SCAF8: variants seen among roughly 807,000 people sequenced by gnomAD.
SCAF8 encodes the protein SR-related and CTD-associated factor 8.
In SCAF8, 23 loss-of-function variants were observed where a neutral mutation model predicts 140.5. The ratio of observed to expected loss-of-function variants is 0.16; its 90% CI spans 0.12 to 0.23. The LOEUF (loss-of-function observed/expected upper bound fraction) is 0.23, where lower values mean the gene tolerates loss of function less well. Ranked by LOEUF, SCAF8 falls within the 10% of genes least tolerant of loss-of-function variation. The pLI, the probability that SCAF8 is intolerant of heterozygous loss-of-function variation, is 1.00. For missense variants in SCAF8, 1,397 were observed against 1,555.7 expected (o/e 0.90, Z 1.72); for synonymous variants, 575 against 528.9 (o/e 1.09, Z -1.20).
chr6:154,794,754 T>G (rs1777537248), intron 5 of SCAF8, among the ~76,000 whole-genome samples: 1 of 56,290 alleles, frequency 1.8e-5, no homozygotes, highest in African/African-American at 8.0e-5. Flanking sequence ...GACAGATCCT[T>G]TTGGTGGGGG....
intron 1 of SCAF8, among the ~76,000 whole-genome samples, chr6:154,748,219 A>G (rs1046042437): frequency 1.3e-5 from 2 of 152,192 alleles, no homozygotes; most frequent in African/African-American, 4.8e-5. Flanking sequence ...GGCACAAACA[A>G]CCCAGACCTA....
At chr6:154,737,370 CT>C (rs988056235) in intron 1 of SCAF8, among the ~76,000 whole-genome samples, 2 of 152,126 alleles carry the variant, frequency 1.3e-5, no homozygotes, top group African/African-American at 2.4e-5. Context: ...TATTTTGATA[CT>C]TCACCTTAAA....
At chr6:154,747,898 G>GTA (rs901919553) in intron 1 of SCAF8, among the ~76,000 whole-genome samples, 3 of 54,482 alleles carry the variant, frequency 5.5e-5, no homozygotes, top group Non-Finnish European at 9.1e-5. Flanking sequence ...TTTCATTTCT[G>GTA]TGTGTGTGTG....
At chr6:154,740,188 A>G (rs1778531737) in intron 1 of SCAF8, among the ~76,000 whole-genome samples, 1 of 152,178 alleles carries the variant, frequency 6.6e-6, no homozygotes, top group Non-Finnish European at 1.5e-5. Flanking sequence ...TTCTGCTCAT[A>G]TGAGAACCCA....
intron 6 of SCAF8, among the ~76,000 whole-genome samples, chr6:154,797,678 A>G (rs9479958): frequency 0.62 from 93,507 of 150,856 alleles, 32,327 homozygotes; most frequent in East Asian, 0.91. Flanking sequence ...ACAGGTGTGA[A>G]CCACCGTGCC....
At chr6:154,788,410 C>T (rs1469828779) in intron 4 of SCAF8, among the ~76,000 whole-genome samples, 3 of 152,094 alleles carry the variant, frequency 2.0e-5, no homozygotes, top group East Asian at 1.9e-4. Flanking sequence ...ATATCCTTGT[C>T]GTTAAGTGGC....
chr6:154,825,361 A>G (rs995670437), intron 17 of SCAF8: 20 of 151,988 alleles, frequency 1.3e-4, no homozygotes, highest in African/African-American at 4.4e-4. Context: ...CTTAAACACA[A>G]CTTACATATA....
At chr6:154,796,355 C>CCCT (rs774665105) in intron 6 of SCAF8, among the ~76,000 whole-genome samples, 1 of 86,596 alleles carries the variant, frequency 1.2e-5, no homozygotes, top group Non-Finnish European at 2.3e-5. Context: ...CAATCCTGTT[C>CCCT]TCTCTCTCTC....
rs566134855 is a variant in SCAF8 at position 154,778,721 on chromosome 6, A to G, written c.159+676A>G. 7.4e-4 allele frequency among the ~76,000 whole-genome samples: 113 copies of G among 152,020 alleles called. 1 individual carries two copies. The highest frequency in any genetic ancestry group is 2.5e-3 in the African/African-American group (102 of 41,452). On this transcript the variant is annotated intron_variant, in intron 3 of 19. Transcript: ENST00000367178. ...GGAGGTTGTAGTGAGCTGAGATCACACCACTGCACTCCAGCCTGGGGAACA... is the reference window on the plus strand; with the variant it reads ...GGAGGTTGTAGTGAGCTGAGATCACGCCACTGCACTCCAGCCTGGGGAACA...
chr6:154,801,914 C>A, intron 6 of SCAF8, 57 bp from the exon 7 acceptor site: 1 of 1,234,660 alleles, frequency 8.1e-7, no homozygotes, highest in Non-Finnish European at 1.1e-6. Flanking sequence ...TTTAGGTGGC[C>A]ACTCTTACAG....
intron 1 of SCAF8, among the ~76,000 whole-genome samples, chr6:154,734,496 G>A (rs1340109054): frequency 6.6e-6 from 1 of 152,188 alleles, no homozygotes; most frequent in East Asian, 1.9e-4. Context: ...TGGTAGGCAG[G>A]CAAAGGTTAT....
At chr6:154,741,824 T>A in intron 1 of SCAF8, 2 of 606,796 alleles carry the variant, frequency 3.3e-6, no homozygotes, top group Middle Eastern at 2.6e-4. Flanking sequence ...TTGGACAACT[T>A]CTAACTCATA....
At position 154,810,094 on chromosome 6, in the gene SCAF8, A is replaced by G. The variant is rs755256467; in HGVS notation, c.1306A>G (p.Arg436Gly). 2 of 1,614,062 alleles carry G rather than the reference A, an allele frequency of 1.2e-6. No homozygotes were observed. Among genetic ancestry groups the G allele is most frequent in the East Asian group, 4.5e-5 (2 of 44,872 alleles). The change falls in exon 12 of 20, where the codon AGA becomes GGA. Residue 436 changes from arginine to glycine, a missense_variant. Coordinates refer to ENST00000367178, the MANE Select transcript of SCAF8 (RefSeq NM_014892.5). ...KHRKRSRSRSRERKRKSSRSY... is the reference protein window; with the variant it reads ...KHRKRSRSRSGERKRKSSRSY... Reference sequence around the variant, plus strand: ...CAGAAAGCGATCACGCTCCCGCTCAAGAGAAAGAAAGAGGAAATCATCACG... The same window carrying G: ...CAGAAAGCGATCACGCTCCCGCTCAGGAGAAAGAAAGAGGAAATCATCACG...
At chr6:154,736,264 A>ATTT (rs1227990829) in intron 1 of SCAF8, among the ~76,000 whole-genome samples, 1 of 81,458 alleles carries the variant, frequency 1.2e-5, no homozygotes, top group African/African-American at 6.7e-5. Context: ...GCCATCCAAG[A>ATTT]CTTTTTTTTT....
intron 3 of SCAF8, 58 bp from the exon 4 acceptor site, chr6:154,787,803 C>T: frequency 7.0e-7 from 1 of 1,421,510 alleles, no homozygotes; most frequent in East Asian, 2.3e-5. Flanking sequence ...TGATTTTTGT[C>T]TATCAAGAAT....
At chr6:154,812,199 TA>T (rs796917892) in intron 12 of SCAF8, among the ~76,000 whole-genome samples, 1 of 125,404 alleles carries the variant, frequency 8.0e-6, no homozygotes, top group Non-Finnish European at 1.6e-5. Flanking sequence ...TTTTTTTTTT[TA>T]AATAGGTTGA....
intron 1 of SCAF8, among the ~76,000 whole-genome samples, chr6:154,762,228 G>A (rs1776427267): frequency 6.6e-6 from 1 of 152,194 alleles, no homozygotes; most frequent in African/African-American, 2.4e-5. Context: ...CAGGATCTAG[G>A]CGTTGGTTAG....
rs181290547 is a variant in SCAF8 at position 154,774,158 on chromosome 6, A to G, written c.114+86A>G. The G allele has an allele frequency of 3.8e-4, 350 of 926,038 alleles. No individual in the cohort carries two copies. In the East Asian group the frequency reaches 5.1e-3, roughly 13 times the overall value. 57.4% of individuals were successfully genotyped at this position (926,038 alleles called of 1,614,324 possible). A position where few individuals can be genotyped will look rare whatever the true frequency, so the allele number is the denominator to read the frequency against. On this transcript the variant is annotated intron_variant, in intron 2 of 19. Transcript: ENST00000367178. ...GGGGGATAATTTTTTTATGGATTAT[A>G]TGTTCTTTTTCACTTTACAGTGTTA...
intron 1 of SCAF8, among the ~76,000 whole-genome samples, chr6:154,745,371 GT>G (rs1172400874): frequency 6.6e-6 from 1 of 152,076 alleles, no homozygotes; most frequent in African/African-American, 2.4e-5. Flanking sequence ...TAGAGCTTTT[GT>G]TTATTATTTT....
Sources: allele counts gnomAD v4.1 joint callset (sites outside exome capture counted in the v4.1 genomes callset), GRCh38; gene constraint gnomAD v4.1.1; transcripts MANE v1.5; gene names NCBI Gene and HGNC (gene_info 2026-07-23, HGNC 2026-07-21).